ADGRV1: variants seen among roughly 807,000 people sequenced by gnomAD.
ADGRV1 encodes G-protein coupled receptor 98.
In ADGRV1, 359 loss-of-function variants were observed where a neutral mutation model predicts 596.2. That is an observed-to-expected ratio of 0.60 (90% confidence interval 0.55 to 0.66). The LOEUF (loss-of-function observed/expected upper bound fraction) is 0.66, where lower values mean the gene tolerates loss of function less well. Among genes scored for constraint, ADGRV1 ranks in the 30% least tolerant of loss-of-function variants. The pLI is 0.00. For synonymous variants in ADGRV1, 2,681 were observed against 2,679.2 expected (o/e 1.00, Z -0.02); for missense variants, 7,274 against 7,575.6 (o/e 0.96, Z 1.48).
At chr5:90,952,736 C>T (rs920043972) in intron 83 of ADGRV1, among the ~76,000 whole-genome samples, 2 of 152,110 alleles carry the variant, frequency 1.3e-5, no homozygotes, top group African/African-American at 4.8e-5. Flanking sequence ...CTAAAATTTC[C>T]GCCATTAGAT....
At chr5:91,087,334 A>G (rs1192620511) in intron 86 of ADGRV1, among the ~76,000 whole-genome samples, 1 of 152,204 alleles carries the variant, frequency 6.6e-6, no homozygotes, top group Non-Finnish European at 1.5e-5. Flanking sequence ...TCTGTCGCCC[A>G]GGCTGGAGTA....
intron 83 of ADGRV1, among the ~76,000 whole-genome samples, chr5:90,917,003 C>T (rs913789093): frequency 6.6e-6 from 1 of 152,112 alleles, no homozygotes; most frequent in African/African-American, 2.4e-5. Flanking sequence ...TTGAATATTT[C>T]ATTGTAAGTT....
At chr5:90,789,584 A>G (rs1759849498) in intron 68 of ADGRV1, 118 bp from the exon 69 acceptor site, 4 of 600,238 alleles carry the variant, frequency 6.7e-6, no homozygotes, top group Non-Finnish European at 1.1e-5. Flanking sequence ...AGTATATTCA[A>G]GTGTCATTTT....
chr5:90,666,709 T>C (rs1250562722), intron 21 of ADGRV1, among the ~76,000 whole-genome samples: 1 of 151,776 alleles, frequency 6.6e-6, no homozygotes, highest in Non-Finnish European at 1.5e-5. Context: ...CTAGTCTCGA[T>C]GGTCTTTACA....
chr5:90,873,312 T>C (rs1288989472), intron 83 of ADGRV1, among the ~76,000 whole-genome samples: 2 of 152,206 alleles, frequency 1.3e-5, no homozygotes, highest in Non-Finnish European at 2.9e-5. Context: ...GGGAGGAGCT[T>C]GGTTTCAGGC....
intron 59 of ADGRV1, among the ~76,000 whole-genome samples, chr5:90,763,880 G>T (rs889985344): frequency 1.3e-5 from 2 of 152,182 alleles, no homozygotes; most frequent in Admixed American, 1.3e-4. Flanking sequence ...TGACTGTGTA[G>T]TATTCCATGG....
intron 83 of ADGRV1, among the ~76,000 whole-genome samples, chr5:90,916,190 C>T (rs112504729): frequency 9.2e-4 from 139 of 151,644 alleles, no homozygotes; most frequent in Non-Finnish European, 1.8e-3. Context: ...AGAATCCCAT[C>T]CCAGTGAGTT....
In ADGRV1 at chr5:90,784,053, T is replaced by G. The variant is rs886681893; in HGVS notation, c.13649T>G (p.Ile4550Ser). 2 of 1,600,876 alleles carry G rather than the reference T, an allele frequency of 1.2e-6. No individual in the cohort carries two copies. The highest frequency in any genetic ancestry group is 1.7e-5 in the Admixed American group (1 of 59,166). The change falls in exon 67 of 90, where the codon ATT (isoleucine) becomes AGT (serine). Residue 4550 changes from isoleucine (I) to serine (S), a missense_variant. By Grantham distance (142) the Ile-to-Ser change is moderately radical (BLOSUM62 -2). Transcript: ENST00000405460. ...LERTGGLLGE[I>S]QVNWETVGPN... ...CGGACTGGAGGACTCTTGGGAGAGA[T>G]TCAGGTAGATTTATGTTCCCCATGA...
At chr5:91,135,382 C>T (rs1447300719) in intron 87 of ADGRV1, among the ~76,000 whole-genome samples, 1 of 152,092 alleles carries the variant, frequency 6.6e-6, no homozygotes, top group Non-Finnish European at 1.5e-5. Flanking sequence ...CCTTTCATCC[C>T]TTCCAACTAT....
chr5:90,618,755 G>A (rs1353359762), intron 3 of ADGRV1, among the ~76,000 whole-genome samples: 1 of 151,792 alleles, frequency 6.6e-6, no homozygotes, highest in African/African-American at 2.4e-5. Context: ...TTTGTACTGT[G>A]TACTTAATTC....
At position 90,759,654 on chromosome 5, in the gene ADGRV1, AGTGTCTCACATTTTT is replaced by A. The variant is rs1756246972; in HGVS notation, c.12120+69_12120+83del. On this transcript the variant is annotated intron_variant, in intron 58 of 89. Transcript: ENST00000405460. ...GCGTTTCATGTAATTTTGAGTAGAA[AGTGTCTCACATTTTT>A]GTTTTGGAAGTCTTGGCCAGGCATG... is the stretch of plus-strand genomic sequence containing the variant. 3 of 1,426,864 alleles carry A rather than the reference AGTGTCTCACATTTTT, an allele frequency of 2.1e-6. No homozygotes were observed. In the African/African-American group the frequency reaches 4.2e-5, roughly 20 times the overall value. The allele number at this position is 1,426,864 out of a possible 1,614,324, so 88.4% of individuals were successfully genotyped here.
At chr5:91,039,197 G>A (rs1369138564) in intron 85 of ADGRV1, among the ~76,000 whole-genome samples, 1 of 152,174 alleles carries the variant, frequency 6.6e-6, no homozygotes, top group Non-Finnish European at 1.5e-5. Context: ...AAAATGTGTA[G>A]CTCATATAAG....
intron 9 of ADGRV1, among the ~76,000 whole-genome samples, chr5:90,633,403 G>T (rs1765748930): frequency 6.6e-6 from 1 of 151,298 alleles, no homozygotes; most frequent in African/African-American, 2.4e-5. Flanking sequence ...AAAAATTATT[G>T]TTTTTTTCTT....
At chr5:90,655,026 G>A (rs1173927677) in intron 20 of ADGRV1, 2 of 152,100 alleles carry the variant, frequency 1.3e-5, no homozygotes, top group Non-Finnish European at 2.9e-5. Flanking sequence ...TAAACTATAT[G>A]TAAAGTTATT....
intron 43 of ADGRV1, chr5:90,717,430 G>GTTTT (rs1158358801): frequency 2.4e-5 from 2 of 83,694 alleles, no homozygotes; most frequent in Admixed American, 1.5e-4. Context: ...TTGCAAATGT[G>GTTTT]ATTTTTTTTT....
chr5:90,745,576 T>C lies in ADGRV1; in HGVS notation c.10770-15T>C, dbSNP rs757747375. ...TGTTGTAGTTGACTTATTTTGTATA[T>C]GCTTCTTATGGTAGTTCAGGTGAAC... On this transcript the variant is annotated splice_polypyrimidine_tract_variant and intron_variant, in intron 51 of 89. Transcript: ENST00000405460. 4.5e-6 allele frequency: 7 copies of C among 1,572,012 alleles called. No homozygotes were observed. Among genetic ancestry groups the C allele is most frequent in the South Asian group, 1.1e-5 (1 of 88,028 alleles).
chr5:90,924,434 G>A lies in ADGRV1; in HGVS notation c.17857-40981G>A, dbSNP rs562401537. ...TTTGGCTGCATAAATGTCTTCTTTTGAGAAGTGTCTGTTCATGTCCTTCGC... is the reference window on the plus strand; with the variant it reads ...TTTGGCTGCATAAATGTCTTCTTTTAAGAAGTGTCTGTTCATGTCCTTCGC... On this transcript the variant is annotated intron_variant, in intron 83 of 89. Coordinates refer to ENST00000405460, the MANE Select transcript of ADGRV1 (RefSeq NM_032119.4). Among the ~76,000 whole-genome samples the A allele has an allele frequency of 4.0e-5, 6 of 151,638 alleles. No homozygotes were observed. The East Asian group carries it at 1.2e-3, about 29-fold the overall frequency.
At chr5:90,880,295 A>G (rs1284833582) in intron 83 of ADGRV1, among the ~76,000 whole-genome samples, 4 of 152,240 alleles carry the variant, frequency 2.6e-5, no homozygotes, top group African/African-American at 7.2e-5. Flanking sequence ...GTGTATAAAT[A>G]TGTATATCAT....
chr5:90,847,878 G>A (rs555651677), intron 78 of ADGRV1, among the ~76,000 whole-genome samples: 6 of 152,174 alleles, frequency 3.9e-5, no homozygotes, highest in South Asian at 2.1e-4. Flanking sequence ...GCCGGTTCCC[G>A]CCTCGGCCAG....
Sources: gnomAD v4.1 joint callset for allele counts (sites outside exome capture counted in the v4.1 genomes callset) on GRCh38, gnomAD v4.1.1 for gene constraint, MANE v1.5 for transcripts, NCBI Gene and HGNC (gene_info 2026-07-23, HGNC 2026-07-21) for gene names.